The following SH3KBP1 variants were observed in gnomAD, a reference collection of about 807,000 sequenced individuals.
The protein encoded by SH3KBP1 is SH3 domain-containing kinase-binding protein 1.
A neutral mutation model predicts 50.1 loss-of-function variants in SH3KBP1; 8 were observed. The observed-to-expected ratio is 0.16, with a 90% CI of 0.09 to 0.29. SH3KBP1 has a LOEUF of 0.29. SH3KBP1 is among the 10% of genes least tolerant of loss of function. The pLI, the probability that SH3KBP1 is intolerant of heterozygous loss-of-function variation, is 1.00. For synonymous variants in SH3KBP1, 227 were observed against 218.6 expected, an observed-to-expected ratio of 1.04 and a Z score of -0.34; for missense variants, 377 against 535.2, an observed-to-expected ratio of 0.70 and a Z score of 2.92.
chrX:19,791,448 C>G (rs1457991354), intron 2 of SH3KBP1, among the ~76,000 whole-genome samples: 1 of 108,673 alleles, frequency 9.2e-6, no homozygotes, highest in African/African-American at 3.4e-5. Flanking sequence ...CTACTTGGCT[C>G]ACACATTGCA....
At chrX:19,576,324 A>G (rs944416685) in intron 12 of SH3KBP1, among the ~76,000 whole-genome samples, 1 of 111,321 alleles carries the variant, frequency 9.0e-6, no homozygotes, top group African/African-American at 3.3e-5. Context: ...TCCCATAGAA[A>G]TAACAGCAGC....
chrX:19,654,645 T>C (rs192228864), intron 6 of SH3KBP1, among the ~76,000 whole-genome samples: 440 of 112,390 alleles, frequency 3.9e-3, no homozygotes, highest in Non-Finnish European at 6.6e-3. Flanking sequence ...ATGTTTAAAA[T>C]GCTATTTTCT....
chrX:19,554,143 ATT>A (rs1364714387), intron 13 of SH3KBP1, among the ~76,000 whole-genome samples: 18 of 77,557 alleles, frequency 2.3e-4, no homozygotes, highest in African/African-American at 7.7e-4. Flanking sequence ...ATTAAAATAT[ATT>A]ATATATCATA....
chrX:19,613,608 T>A (rs758283791), intron 8 of SH3KBP1, among the ~76,000 whole-genome samples: 6 of 112,814 alleles, frequency 5.3e-5, no homozygotes, highest in Non-Finnish European at 7.5e-5. Context: ...GGGTAACATA[T>A]ACTTTTCCCT....
intron 13 of SH3KBP1, among the ~76,000 whole-genome samples, chrX:19,568,470 A>G (rs759028386): frequency 8.9e-6 from 1 of 112,391 alleles, no homozygotes; most frequent in East Asian, 2.8e-4. Context: ...ATAAGAAAAA[A>G]TTAGTCCCTG....
At chrX:19,765,599 G>A (rs2065581583) in intron 2 of SH3KBP1, among the ~76,000 whole-genome samples, 1 of 111,375 alleles carries the variant, frequency 9.0e-6, no homozygotes, top group Non-Finnish European at 1.9e-5. Context: ...CATCTTAACA[G>A]GTTTAAACTA....
chrX:19,559,532 T>C (rs2065606856), intron 13 of SH3KBP1, among the ~76,000 whole-genome samples: 2 of 108,315 alleles, frequency 1.8e-5, no homozygotes, highest in Admixed American at 2.0e-4. Context: ...GATTTCACCA[T>C]ATTGGCCAGG....
intron 1 of SH3KBP1, among the ~76,000 whole-genome samples, chrX:19,851,894 T>C (rs1415032634): frequency 1.8e-5 from 2 of 111,471 alleles, no homozygotes; most frequent in African/African-American, 6.5e-5. Context: ...CTGTATCATT[T>C]AACTGTAACG....
At position 19,791,638 on chromosome X, in the gene SH3KBP1, A is replaced by G. The variant is rs779975771; in HGVS notation, c.162+44487T>C. Reference sequence around the variant, plus strand: ...TCCGTGAGTTTATAATTTAAAACACATAGAAGAAAAATCCATGAGCAATGA... The same window carrying G: ...TCCGTGAGTTTATAATTTAAAACACGTAGAAGAAAAATCCATGAGCAATGA... On this transcript the variant is annotated intron_variant, in intron 2 of 17. Coordinates refer to ENST00000397821, the MANE Select transcript of SH3KBP1 (RefSeq NM_031892.3). Among the ~76,000 whole-genome samples the G allele has an allele frequency of 2.7e-5, 3 of 111,310 alleles. No individual in the cohort carries two copies. In the South Asian group the frequency reaches 1.1e-3, roughly 42 times the overall value.
intron 15 of SH3KBP1, among the ~76,000 whole-genome samples, chrX:19,543,813 G>A (rs1025396757): frequency 5.4e-5 from 6 of 111,404 alleles, no homozygotes; most frequent in African/African-American, 9.8e-5. Flanking sequence ...CAGGAGGGCC[G>A]AGGAAGAAGG....
chrX:19,780,543 C>T (rs1191378545), intron 2 of SH3KBP1, among the ~76,000 whole-genome samples: 1 of 107,510 alleles, frequency 9.3e-6, no homozygotes, highest in African/African-American at 3.4e-5. Flanking sequence ...ATGGTATTGC[C>T]TAGGTTTTCT....
intron 3 of SH3KBP1, among the ~76,000 whole-genome samples, chrX:19,729,072 T>C (rs1415001359): frequency 1.8e-5 from 2 of 112,255 alleles, no homozygotes; most frequent in East Asian, 5.6e-4. Flanking sequence ...GGCACAGAAA[T>C]GCTTTTCCAG....
intron 1 of SH3KBP1, among the ~76,000 whole-genome samples, chrX:19,878,532 G>A (rs867648124): frequency 1.0e-5 from 1 of 96,208 alleles, no homozygotes; most frequent in Non-Finnish European, 2.0e-5. Flanking sequence ...GAGAGAGAGA[G>A]AAAATAAAGG....
chrX:19,656,637 G>A (rs1356799658), intron 6 of SH3KBP1, among the ~76,000 whole-genome samples: 1 of 111,856 alleles, frequency 8.9e-6, no homozygotes, highest in African/African-American at 3.3e-5. Context: ...GAGTCAGAGA[G>A]ACAGATATGG....
chrX:19,797,816 C>T (rs921267965), intron 2 of SH3KBP1, among the ~76,000 whole-genome samples: 33 of 109,146 alleles, frequency 3.0e-4, no homozygotes, highest in African/African-American at 6.0e-4. Flanking sequence ...ACACTATCAT[C>T]GGTAATTAAC....
In SH3KBP1 at chrX:19,746,339, T is replaced by C; in HGVS notation, c.265A>G (p.Ile89Val). The change falls in exon 3 of 18, where the codon ATT (isoleucine) becomes GTT (valine). Residue 89 changes from isoleucine to valine, a missense_variant. Physicochemically the swap from Ile to Val is conservative, Grantham distance 29. This residue lies in a region of SH3KBP1 where 257 missense variants were observed against 374.2 expected (regional missense o/e 0.69). Transcript: ENST00000397821. Reference sequence around the variant, plus strand: ...ATACCTCTCTTATTGGTTCTTAAAATCGTTTCAGAAGACAGCAAAGAGTTT... The same window carrying C: ...ATACCTCTCTTATTGGTTCTTAAAACCGTTTCAGAAGACAGCAAAGAGTTT... ...SGNSLLSSET[I>V]LRTNKRGERR... The C allele has an allele frequency of 8.3e-7, 1 of 1,210,869 alleles. No individual in the cohort carries two copies. The highest frequency in any genetic ancestry group is 1.8e-5 in the South Asian group (1 of 56,585).
rs745435113 is a variant in SH3KBP1, at chrX:19,592,166, T to C, written c.1058-19A>G. The C allele has an allele frequency of 3.5e-6, 4 of 1,128,463 alleles. No homozygotes were observed. The highest frequency in any genetic ancestry group is 3.0e-5 in the East Asian group (1 of 33,529). The allele number at this position is 1,128,463 out of a possible 1,213,427, so 93.0% of individuals were successfully genotyped here. A position where few individuals can be genotyped will look rare whatever the true frequency, so the allele number is the denominator to read the frequency against. On this transcript the variant is annotated intron_variant, in intron 10 of 17. Coordinates refer to ENST00000397821, the MANE Select transcript of SH3KBP1 (RefSeq NM_031892.3). ...GTGGTGCCTAGGAGGGAAAGGGTAATAGTGATCACAAAATGTTTTCTGTAC... is the reference window on the plus strand; with the variant it reads ...GTGGTGCCTAGGAGGGAAAGGGTAACAGTGATCACAAAATGTTTTCTGTAC...
At chrX:19,767,673 A>C (rs1009993750) in intron 2 of SH3KBP1, among the ~76,000 whole-genome samples, 6 of 111,177 alleles carry the variant, frequency 5.4e-5, no homozygotes, top group Admixed American at 9.6e-5. Context: ...GATTTTTTAA[A>C]GTTAACCCCT....
At chrX:19,656,468 AG>A (rs2062280869) in intron 6 of SH3KBP1, among the ~76,000 whole-genome samples, 1 of 112,320 alleles carries the variant, frequency 8.9e-6, no homozygotes, top group Non-Finnish European at 1.9e-5. Context: ...CAGTCACTAC[AG>A]GGATAAATCA....
Sources: allele counts gnomAD v4.1 joint callset (sites outside exome capture counted in the v4.1 genomes callset), GRCh38; gene constraint gnomAD v4.1.1; regional missense constraint gnomAD v4.1.1; transcripts MANE v1.5; gene names NCBI Gene and HGNC (gene_info 2026-07-23, HGNC 2026-07-21).